SCNN1D: variants seen among roughly 807,000 people sequenced by gnomAD.
SCNN1D encodes sodium channel epithelial 1 subunit delta.
Under a neutral mutation model 87.8 loss-of-function variants are expected in SCNN1D, and 104 were observed. The observed-to-expected ratio is 1.18, with a 90% CI of 1.01 to 1.39. The LOEUF is 1.39. Among genes scored for constraint, SCNN1D ranks in the 40% most tolerant of loss-of-function variants. The probability of loss-of-function intolerance (pLI) is 0.00; values close to 1 mark genes in which losing one functional copy is unlikely to be tolerated. For synonymous variants in SCNN1D, 628 were observed against 481.2 expected (o/e 1.31, Z -3.99); for missense variants, 1,324 against 1,093.9 (o/e 1.21, Z -2.97).
Position 1,291,632 on chromosome 1 carries a change from C to G in SCNN1D, c.*22C>G. The G allele has an allele frequency of 1.4e-6, 2 of 1,480,296 alleles. No homozygotes were observed. Among genetic ancestry groups the G allele is most frequent in the Non-Finnish European group, 1.8e-6 (2 of 1,104,642 alleles). 91.7% of individuals were successfully genotyped at this position (1,480,296 alleles called of 1,614,324 possible). On this transcript the variant is annotated 3_prime_UTR_variant, in exon 18 of 18. Coordinates refer to ENST00000379116, the MANE Select transcript of SCNN1D (RefSeq NM_001130413.4). Reference sequence around the variant, plus strand: ...CTGAACCAGACCTGCCAGGGCTGTGCGATCTCTTGGCCTGGTCCTTGCAGC... The same window carrying G: ...CTGAACCAGACCTGCCAGGGCTGTGGGATCTCTTGGCCTGGTCCTTGCAGC...
At chr1:1,281,652 G>GCCTC in intron 3 of SCNN1D, 42 bp downstream of exon 3, 1 of 1,513,996 alleles carries the variant, frequency 6.6e-7, no homozygotes, top group Non-Finnish European at 8.8e-7. Context: ...CCGGGAGGAG[G>GCCTC]GGAGGGGGGT....
At chr1:1,285,851 C>A in intron 6 of SCNN1D, 75 bp from the exon 7 acceptor site, 1 of 1,417,828 alleles carries the variant, frequency 7.1e-7, no homozygotes, top group Non-Finnish European at 9.5e-7. Context: ...TGGTGGCTGA[C>A]AGACATGACA....
chr1:1,288,049 C>G lies in SCNN1D; in HGVS notation c.1662+12C>G. 1 of 1,279,430 alleles carries G rather than the reference C, an allele frequency of 7.8e-7. No homozygotes were observed. Among genetic ancestry groups the G allele is most frequent in the Non-Finnish European group, 1.0e-6 (1 of 966,142 alleles). The allele number at this position is 1,279,430 out of a possible 1,614,324, so 79.3% of individuals were successfully genotyped here. A position where few individuals can be genotyped will look rare whatever the true frequency, so the allele number is the denominator to read the frequency against. On this transcript the variant is annotated intron_variant, in intron 12 of 17. Coordinates refer to ENST00000379116, the MANE Select transcript of SCNN1D (RefSeq NM_001130413.4). ...CCTACACCAGGCAGGTGAGGCTGGGCTGGCAGGGGGTGCGGGGGCAGGTGA... is the reference window on the plus strand; with the variant it reads ...CCTACACCAGGCAGGTGAGGCTGGGGTGGCAGGGGGTGCGGGGGCAGGTGA...
Position 1,290,295 on chromosome 1 carries a change from C to T in SCNN1D, c.1687C>T (p.Gln563Ter). The change falls in exon 13 of 18, where the codon CAG (glutamine) becomes TAG (stop). Residue 563 changes from glutamine (Q) to a stop codon, truncating the protein, a stop_gained. Transcript: ENST00000379116. LOFTEE classifies it high-confidence loss of function. ...RQACLVSCFQ[Q>*]LMVETCSCGY... is the part of the protein sequence containing the mutation. ...GGCCTGCCTGGTGTCCTGCTTCCAGCAGCTGATGGTGGAGACCTGCTCCTG... is the reference window on the plus strand; with the variant it reads ...GGCCTGCCTGGTGTCCTGCTTCCAGTAGCTGATGGTGGAGACCTGCTCCTG... 1 of 1,577,346 alleles carries T rather than the reference C, an allele frequency of 6.3e-7. No homozygotes were observed. Among genetic ancestry groups the T allele is most frequent in the East Asian group, 2.2e-5 (1 of 44,534 alleles).
rs6666790 is a variant in SCNN1D at position 1,286,671 on chromosome 1, A to T, written c.912-97A>T. On this transcript the variant is annotated intron_variant, in intron 7 of 17. Coordinates refer to ENST00000379116, the MANE Select transcript of SCNN1D (RefSeq NM_001130413.4). ...GCTCACCCCACTGGGCGTCCCGAGT[A>T]GGGGAGGCACTGCTGTCCCGACAGC... is the stretch of plus-strand genomic sequence containing the variant. 5.1e-3 allele frequency: 5,966 copies of T among 1,170,106 alleles called. 198 individuals carry two copies. The African/African-American group carries it at 0.072, about 14-fold the overall frequency. 72.5% of individuals were successfully genotyped at this position (1,170,106 alleles called of 1,614,324 possible).
intron 12 of SCNN1D, among the ~76,000 whole-genome samples, 167 bp downstream of exon 12, chr1:1,288,204 T>TGTGTCTCTGCTCCGTCCCCC (rs1640653744): frequency 5.0e-5 from 7 of 140,086 alleles, no homozygotes; most frequent in South Asian, 2.3e-4. Context: ...CTCCATTCCC[T>TGTGTCTCTGCTCCGTCCCCC]GTGTCTCTGC....
rs548255847 is a variant in SCNN1D, at chr1:1,281,656, G to C, written c.277+46G>C. The C allele has an allele frequency of 4.4e-5, 66 of 1,493,704 alleles. No homozygotes were observed. In the Admixed American group the frequency reaches 8.5e-4, roughly 19 times the overall value. 92.5% of individuals were successfully genotyped at this position (1,493,704 alleles called of 1,614,324 possible). On this transcript the variant is annotated intron_variant, in intron 3 of 17. Transcript: ENST00000379116. ...AGAGGCCTTGCCCGGGAGGAGGGGA[G>C]GGGGGTGGAGCCGGGAGCTGCGTGA...
chr1:1,291,279 G>A lies in SCNN1D; in HGVS notation c.2078G>A (p.Gly693Asp). 1 of 1,561,500 alleles carries A rather than the reference G, an allele frequency of 6.4e-7. No homozygotes were observed. Among genetic ancestry groups the A allele is most frequent in the Non-Finnish European group, 8.7e-7 (1 of 1,155,912 alleles). ...YSVPQLLSAM[G>D]SLCSLWFGAS... ...GTGCCGCAGCTGCTCTCGGCCATGG[G>A]CAGCCTCTGCAGCCTGTGGTTTGGG... The change falls in exon 18 of 18, where the codon GGC becomes GAC. Residue 693 changes from glycine to aspartate, a missense_variant. By Grantham distance (94) the Gly-to-Asp change is moderately conservative. Coordinates refer to ENST00000379116, the MANE Select transcript of SCNN1D (RefSeq NM_001130413.4).
rs769588165 is a variant in SCNN1D, at chr1:1,290,277, C to G, written c.1669C>G (p.Leu557Val). The G allele has an allele frequency of 1.9e-6, 3 of 1,565,114 alleles. No individual in the cohort carries two copies. The highest frequency in any genetic ancestry group is 2.6e-6 in the Non-Finnish European group (3 of 1,154,340). Residue 557 changes from leucine (L) to valine (V), a missense_variant, in exon 13 of 18, where the codon CTG (leucine) becomes GTG (valine). By Grantham distance (32) the Leu-to-Val change is conservative (BLOSUM62 1). Coordinates refer to ENST00000379116, the MANE Select transcript of SCNN1D (RefSeq NM_001130413.4). ...HNTSYTRQAC[L>V]VSCFQQLMVE... ...TCATCCCCCCTGTCCCCAGGCCTGC[C>G]TGGTGTCCTGCTTCCAGCAGCTGAT...
rs116386836 is a variant in SCNN1D at position 1,290,424 on chromosome 1, A to G, written c.1780+36A>G. 1.1e-3 allele frequency: 1,734 copies of G among 1,609,802 alleles called. 17 individuals are homozygous for G. The African/African-American group carries it at 0.02, about 19-fold the overall frequency. On this transcript the variant is annotated intron_variant, in intron 13 of 17. Coordinates refer to ENST00000379116, the MANE Select transcript of SCNN1D (RefSeq NM_001130413.4). Reference sequence around the variant, plus strand: ...CTCGCTGCCTCCCACTCTGTCAGCCATTAGCCGGGGGGTCACAGCGAGCCT... The same window carrying G: ...CTCGCTGCCTCCCACTCTGTCAGCCGTTAGCCGGGGGGTCACAGCGAGCCT...
chr1:1,286,042 C>G lies in SCNN1D; in HGVS notation c.675C>G (p.Thr225=), dbSNP rs369205368. The G allele has an allele frequency of 1.2e-4, 188 of 1,580,718 alleles. No homozygotes were observed. Among genetic ancestry groups the G allele is most frequent in the Non-Finnish European group, 1.5e-4 (176 of 1,163,714 alleles). The stretch of plus-strand genomic sequence containing the variant: ...CCGCCTCGTTCCGGGAGCTGCTCAC[C>G]TTCTTCTGCACCAATGCCACCATCC... ...ELPASFRELL[T]FFCTNATIHG... The change falls in exon 7 of 18, where the codon ACC becomes ACG. Residue 225 remains threonine, a synonymous_variant. Coordinates refer to ENST00000379116, the MANE Select transcript of SCNN1D (RefSeq NM_001130413.4).
chr1:1,287,553 G>A lies in SCNN1D; in HGVS notation c.1356G>A (p.Thr452=), dbSNP rs147856713. The change falls in exon 10 of 18, where the codon ACG becomes ACA. Residue 452 remains threonine, a synonymous_variant. Transcript: ENST00000379116. ...FHHPTYGSCY[T]VDGVWTAQRP... ...ACCCCACCTACGGCAGCTGCTACACGGTCGATGGCGTCTGGACAGCTCAGC... is the reference window on the plus strand; with the variant it reads ...ACCCCACCTACGGCAGCTGCTACACAGTCGATGGCGTCTGGACAGCTCAGC... 1.1e-4 allele frequency: 168 copies of A among 1,548,480 alleles called. No individual in the cohort carries two copies. The highest frequency in any genetic ancestry group is 3.6e-4 in the Admixed American group (19 of 52,382).
intron 6 of SCNN1D, 120 bp from the exon 7 acceptor site, chr1:1,285,806 C>T (rs761216865): frequency 2.6e-5 from 31 of 1,213,800 alleles, no homozygotes; most frequent in Non-Finnish European, 3.2e-5. Flanking sequence ...CTGGGAGGGG[C>T]TTGTCCGAGC....
chr1:1,288,230 T>C (rs1255420384), intron 12 of SCNN1D, among the ~76,000 whole-genome samples, 193 bp downstream of exon 12: 120 of 136,776 alleles, frequency 8.8e-4, no homozygotes, highest in African/African-American at 3.2e-3. Flanking sequence ...CCCGTGTCTC[T>C]GCTCCGTCCC....
chr1:1,285,278 C>G (rs1183334999), intron 5 of SCNN1D, among the ~76,000 whole-genome samples: 1 of 152,258 alleles, frequency 6.6e-6, no homozygotes, highest in East Asian at 1.9e-4. Flanking sequence ...GACTCCAGAG[C>G]CTCCAGCGCG....
chr1:1,287,360 C>G, intron 9 of SCNN1D, 61 bp downstream of exon 9: 1 of 1,501,428 alleles, frequency 6.7e-7, no homozygotes. Flanking sequence ...GGCCGCACCC[C>G]TGGGGTCCCT....
chr1:1,288,721 CCGTGTCTCTGCTCCGT>C, intron 12 of SCNN1D, among the ~76,000 whole-genome samples: 1 of 17,002 alleles, frequency 5.9e-5, no homozygotes, highest in Non-Finnish European at 8.8e-5. Context: ...CTGCTCCGTC[CCGTGTCTCTGCTCCGT>C]CCCGTGTCTC....
chr1:1,291,196 T>C, intron 17 of SCNN1D, 56 bp downstream of exon 17: 2 of 1,590,474 alleles, frequency 1.3e-6, no homozygotes, highest in Non-Finnish European at 1.7e-6. Flanking sequence ...TGGCTGGCCC[T>C]GCACAGAAGG....
In SCNN1D at chr1:1,290,194, G is replaced by C. The variant is rs894675185; in HGVS notation, c.1663-77G>C. ...TGTCCCTGCTCCGTCCCGTGTCCCT[G>C]CTCCGTCCCGTGTCTCTGCCCCGTC... On this transcript the variant is annotated intron_variant, in intron 12 of 17. Coordinates refer to ENST00000379116, the MANE Select transcript of SCNN1D (RefSeq NM_001130413.4). 4.3e-5 allele frequency: 41 copies of C among 950,580 alleles called. 1 individual carries two copies. The highest frequency in any genetic ancestry group is 5.7e-5 in the Non-Finnish European group (37 of 648,482). 58.9% of individuals were successfully genotyped at this position (950,580 alleles called of 1,614,324 possible).
Sources: allele counts gnomAD v4.1 joint callset (sites outside exome capture counted in the v4.1 genomes callset), GRCh38; gene constraint gnomAD v4.1.1; transcripts MANE v1.5; gene names NCBI Gene and HGNC (gene_info 2026-07-23, HGNC 2026-07-21).